SLC27A1: variants seen among roughly 807,000 people sequenced by gnomAD.
The protein encoded by SLC27A1 is long-chain fatty acid transport protein 1.
A neutral mutation model predicts 62.2 loss-of-function variants in SLC27A1; 61 were observed. The ratio of observed to expected loss-of-function variants is 0.98; its 90% confidence interval spans 0.80 to 1.21. The LOEUF is 1.21. Ranked by LOEUF, SLC27A1 falls within the 50% of genes most tolerant of loss-of-function variation. The pLI, the probability that SLC27A1 is intolerant of heterozygous loss-of-function variation, is 0.00. For synonymous variants in SLC27A1, 435 were observed against 408.6 expected (o/e 1.06, Z -0.78); for missense variants, 903 against 932.1 (o/e 0.97, Z 0.41).
chr19:17,476,627 C>T (rs1289712511), intron 1 of SLC27A1, among the ~76,000 whole-genome samples: 2 of 151,656 alleles, frequency 1.3e-5, no homozygotes, highest in African/African-American at 2.4e-5. Context: ...CTGGCTACGT[C>T]GCCAGCACTT....
At chr19:17,500,911 T>C (rs2075405374) in intron 10 of SLC27A1, 35 bp downstream of exon 10, 1 of 1,575,730 alleles carries the variant, frequency 6.3e-7, no homozygotes, top group Non-Finnish European at 8.6e-7. Flanking sequence ...TCCTGAGGCA[T>C]GGTCCTGAGG....
Position 17,504,717 on chromosome 19 carries a change from G to C in SLC27A1, c.*105G>C. On this transcript the variant is annotated 3_prime_UTR_variant, in exon 12 of 12. Transcript: ENST00000252595. ...CCGCCTAGTACACACCCACCTGGCC[G>C]AGCTGTACCTGGCACGGCCCATCCT... is the stretch of plus-strand genomic sequence containing the variant. 1 of 1,448,310 alleles carries C rather than the reference G, an allele frequency of 6.9e-7. No homozygotes were observed. The highest frequency in any genetic ancestry group is 9.5e-7 in the Non-Finnish European group (1 of 1,053,692). The allele number at this position is 1,448,310 out of a possible 1,614,324, so 89.7% of individuals were successfully genotyped here. A position where few individuals can be genotyped will look rare whatever the true frequency, so the allele number is the denominator to read the frequency against.
Position 17,487,353 on chromosome 19 carries a change from C to A in SLC27A1, c.724+18C>A. On this transcript the variant is annotated intron_variant, in intron 3 of 11. Transcript: ENST00000252595. ...CATGGACGGTGAGTCAAGGGTGGGA[C>A]CCCTGCTCTATCAACTGGTTTCCTA... is the stretch of plus-strand genomic sequence containing the variant. 1 of 1,596,230 alleles carries A rather than the reference C, an allele frequency of 6.3e-7. No individual in the cohort carries two copies. Among genetic ancestry groups the A allele is most frequent in the East Asian group, 2.3e-5 (1 of 44,104 alleles).
At position 17,500,579 on chromosome 19, in the gene SLC27A1, G is replaced by A. The variant is rs1002357584; in HGVS notation, c.1418G>A (p.Ser473Asn). Residue 473 changes from serine to asparagine, a missense_variant, in exon 9 of 12, where the codon AGC becomes AAC. Ser to Asn is a conservative substitution (Grantham distance 46). Transcript: ENST00000252595. ...GGCTATGTCAGCGAGAGCGCCACCAGCAAGAAGATCGCCCACAGCGTCTTC... is the reference window on the plus strand; with the variant it reads ...GGCTATGTCAGCGAGAGCGCCACCAACAAGAAGATCGCCCACAGCGTCTTC... ...FDGYVSESAT[S>N]KKIAHSVFSK... 2 of 1,613,698 alleles carry A rather than the reference G, an allele frequency of 1.2e-6. No homozygotes were observed. Among genetic ancestry groups the A allele is most frequent in the Non-Finnish European group, 1.7e-6 (2 of 1,179,922 alleles).
At chr19:17,473,174 C>A (rs1198469017) in intron 1 of SLC27A1, among the ~76,000 whole-genome samples, 2 of 152,126 alleles carry the variant, frequency 1.3e-5, no homozygotes, top group Non-Finnish European at 2.9e-5. Flanking sequence ...CTCCAGCGAT[C>A]ACCCAATTTC....
At chr19:17,488,138 C>T (rs1163413282) in intron 4 of SLC27A1, among the ~76,000 whole-genome samples, 1 of 152,236 alleles carries the variant, frequency 6.6e-6, no homozygotes, top group Admixed American at 6.5e-5. Context: ...GCAGGCGGGT[C>T]ACTTGACGTC....
Position 17,486,698 on chromosome 19 carries a change from C to T in SLC27A1, c.303C>T (p.Gly101=), listed in dbSNP as rs765158168. 1.7e-5 allele frequency: 27 copies of T among 1,611,634 alleles called. No homozygotes were observed. Among genetic ancestry groups the T allele is most frequent in the Admixed American group, 1.0e-4 (6 of 59,970 alleles). Residue 101 remains glycine, a synonymous_variant, in exon 2 of 12, where the codon GGC becomes GGT. Transcript: ENST00000252595. The surrounding 1 kb of genome is among the most constrained non-coding windows in gnomAD (Gnocchi z 6.6). ...TGGCGCTGGTGGATGCCGGGACCGG[C>T]GAGTGCTGGACCTTTGCGCAGCTGG... The part of the protein sequence containing the change: ...ERLALVDAGT[G]ECWTFAQLDA...
chr19:17,494,020 C>CTTTTTTT lies in SLC27A1; in HGVS notation c.997-3225_997-3219dup, dbSNP rs35491603. On this transcript the variant is annotated intron_variant, in intron 6 of 11. Transcript: ENST00000252595. ...CATGCCCAGCCCCAGGTAGCTGTTTCTTTTTTTTTTTTTTTTGAGACGGAG... is the reference window on the plus strand; with the variant it reads ...CATGCCCAGCCCCAGGTAGCTGTTTCTTTTTTTTTTTTTTTTTTTTTTTGAGACGGAG... 2.5e-3 allele frequency among the ~76,000 whole-genome samples: 338 copies of CTTTTTTT among 135,762 alleles called. 2 individuals carry two copies. The highest frequency in any genetic ancestry group is 8.4e-3 in the African/African-American group (308 of 36,820). The allele number at this position is 135,762 out of a possible 152,430, so 89.1% of individuals were successfully genotyped here. A position where few individuals can be genotyped will look rare whatever the true frequency, so the allele number is the denominator to read the frequency against.
chr19:17,505,195 T>C lies in SLC27A1; in HGVS notation c.*583T>C. 1 of 299,204 alleles carries C rather than the reference T, an allele frequency of 3.3e-6. No homozygotes were observed. Among genetic ancestry groups the C allele is most frequent in the South Asian group, 3.0e-5 (1 of 33,102 alleles). 18.5% of individuals were successfully genotyped at this position (299,204 alleles called of 1,614,324 possible). A position where few individuals can be genotyped will look rare whatever the true frequency, so the allele number is the denominator to read the frequency against. On this transcript the variant is annotated 3_prime_UTR_variant, in exon 12 of 12. Coordinates refer to ENST00000252595, the MANE Select transcript of SLC27A1 (RefSeq NM_198580.3). ...AGGCGTGAGCCTCTGGCCCGGCCTT[T>C]CCTTTTTCCTCTCCTCTCCTGCCGA...
intron 6 of SLC27A1, among the ~76,000 whole-genome samples, chr19:17,490,716 A>G (rs957626593): frequency 2.0e-5 from 3 of 152,124 alleles, no homozygotes; most frequent in East Asian, 3.8e-4. Flanking sequence ...TGAAATTCAT[A>G]TAAATTAGCC....
intron 1 of SLC27A1, among the ~76,000 whole-genome samples, chr19:17,478,156 G>A (rs1286339125): frequency 6.6e-6 from 1 of 152,096 alleles, no homozygotes; most frequent in African/African-American, 2.4e-5. Flanking sequence ...TTTCAACAGC[G>A]AAGTCACCAG....
chr19:17,501,009 A>G lies in SLC27A1; in HGVS notation c.1636+133A>G, dbSNP rs571921492. ...TGCTCATGGCAGCCCAGGAGGAAGC[A>G]CTGGATCTGGAGCCAGTTCACCTGG... On this transcript the variant is annotated intron_variant, in intron 10 of 11. Coordinates refer to ENST00000252595, the MANE Select transcript of SLC27A1 (RefSeq NM_198580.3). 17 of 1,154,562 alleles carry G rather than the reference A, an allele frequency of 1.5e-5. No homozygotes were observed. The South Asian group carries it at 2.3e-4, about 16-fold the overall frequency. 71.5% of individuals were successfully genotyped at this position (1,154,562 alleles called of 1,614,324 possible). A position where few individuals can be genotyped will look rare whatever the true frequency, so the allele number is the denominator to read the frequency against.
intron 1 of SLC27A1, among the ~76,000 whole-genome samples, chr19:17,482,419 G>A (rs889584011): frequency 6.6e-6 from 1 of 152,096 alleles, no homozygotes; most frequent in African/African-American, 2.4e-5. Context: ...TTGGGAGGCC[G>A]AGGCGGGTGG....
At chr19:17,487,385 C>T in intron 3 of SLC27A1, 50 bp downstream of exon 3, 1 of 1,534,960 alleles carries the variant, frequency 6.5e-7, no homozygotes, top group Middle Eastern at 2.3e-4. Context: ...CCTACCCGCC[C>T]AGGCCCCGCC....
At position 17,497,388 on chromosome 19, in the gene SLC27A1, G is replaced by T; in HGVS notation, c.1130G>T (p.Arg377Leu). 6.2e-7 allele frequency: 1 copy of T among 1,604,526 alleles called. No homozygotes were observed. Among genetic ancestry groups the T allele is most frequent in the Non-Finnish European group, 8.5e-7 (1 of 1,177,242 alleles). Residue 377 changes from arginine to leucine, a missense_variant, in exon 7 of 12, where the codon CGC becomes CTC. Physicochemically the swap from Arg to Leu is moderately radical, Grantham distance 102 (BLOSUM62 -2). Transcript: ENST00000252595. The part of the protein sequence containing the change: ...RPAIWEEFTE[R>L]FGVRQIGEFY... ...GCCATCTGGGAGGAGTTCACGGAGC[G>T]CTTCGGCGTACGCCAAATCGGGGAG...
At chr19:17,495,014 C>G (rs2075334451) in intron 6 of SLC27A1, among the ~76,000 whole-genome samples, 1 of 151,794 alleles carries the variant, frequency 6.6e-6, no homozygotes, top group African/African-American at 2.4e-5. Flanking sequence ...ACTCTTGTCC[C>G]CAGGCTGGAG....
rs768930856 is a variant in SLC27A1, at chr19:17,504,549, C to T, written c.1878C>T (p.Gly626=). The T allele has an allele frequency of 3.7e-5, 59 of 1,614,098 alleles. No homozygotes were observed. The highest frequency in any genetic ancestry group is 4.5e-5 in the Non-Finnish European group (53 of 1,180,054). ...TCTTCTTCCTGGACCTGAAGCAGGG[C>T]CACTACCTGCCCTTAAATGAGGCAG... ...DRLFFLDLKQ[G]HYLPLNEAVY... is the part of the protein sequence containing the mutation. Residue 626 remains glycine, a synonymous_variant, in exon 12 of 12, where the codon GGC becomes GGT. Coordinates refer to ENST00000252595, the MANE Select transcript of SLC27A1 (RefSeq NM_198580.3).
rs770865025 is a variant in SLC27A1, at chr19:17,501,428, C to T, written c.1783+9C>T. 4.3e-6 allele frequency: 7 copies of T among 1,609,870 alleles called. No individual in the cohort carries two copies. The highest frequency in any genetic ancestry group is 2.2e-5 in the East Asian group (1 of 44,804). ...CCAGGTGGACACCACAGGTGCGAGT[C>T]TCCCCCACTCCAATCTCTCTCTTCA... On this transcript the variant is annotated intron_variant, in intron 11 of 11. Transcript: ENST00000252595.
intron 4 of SLC27A1, 81 bp from the exon 5 acceptor site, chr19:17,488,767 A>G (rs1251552238): frequency 2.3e-6 from 3 of 1,309,738 alleles, no homozygotes; most frequent in Admixed American, 2.0e-5. Flanking sequence ...CTGGGTCCAC[A>G]TGCAGCATGC....
Sources: gnomAD v4.1 joint callset for allele counts (sites outside exome capture counted in the v4.1 genomes callset) on GRCh38, gnomAD v4.1.1 for gene constraint, Gnocchi (gnomAD v3.1) non-coding constraint, MANE v1.5 for transcripts, NCBI Gene and HGNC (gene_info 2026-07-23, HGNC 2026-07-21) for gene names.